Variants in ENTPD6 observed in about 807,000 individuals in gnomAD.
ENTPD6 encodes the protein ectonucleoside triphosphate diphosphohydrolase 6, also known as CD39 antigen-like 2.
In ENTPD6, 46 loss-of-function variants were observed where a neutral mutation model predicts 61.5. The ratio of observed to expected loss-of-function variants is 0.75; its 90% confidence interval spans 0.59 to 0.96. ENTPD6 has a LOEUF of 0.96. ENTPD6 is among the 40% of genes least tolerant of loss of function. The pLI is 0.00. For missense variants in ENTPD6, 612 were observed against 629.0 expected (o/e 0.97, Z 0.29); for synonymous variants, 252 against 255.5 (o/e 0.99, Z 0.13).
intron 1 of ENTPD6, among the ~76,000 whole-genome samples, chr20:25,199,400 T>C (rs1348811426): frequency 6.6e-6 from 1 of 152,172 alleles, no homozygotes; most frequent in Admixed American, 6.5e-5. Context: ...TTTATCCCCA[T>C]CCCTCACCCC....
At chr20:25,223,608 G>A (rs557554487) in intron 12 of ENTPD6, among the ~76,000 whole-genome samples, 3 of 152,186 alleles carry the variant, frequency 2.0e-5, no homozygotes, top group Non-Finnish European at 4.4e-5. Context: ...TCTCTGTGCT[G>A]ACAAAGCTAC....
intron 6 of ENTPD6, among the ~76,000 whole-genome samples, chr20:25,215,353 A>G (rs1456846717): frequency 6.6e-6 from 1 of 152,178 alleles, no homozygotes; most frequent in Admixed American, 6.5e-5. Context: ...CTTGAGAGTG[A>G]GTGTGTATGG....
At chr20:25,196,050 T>G in intron 1 of ENTPD6, 183 bp downstream of exon 1, 1 of 885,650 alleles carries the variant, frequency 1.1e-6, no homozygotes, top group Non-Finnish European at 1.5e-6. Context: ...TGGGCTCCGC[T>G]GACCGGTGGG....
In ENTPD6 at chr20:25,221,351, GC is replaced by G. The variant is rs771552148; in HGVS notation, c.1045+20del. On this transcript the variant is annotated intron_variant, in intron 11 of 14. Coordinates refer to ENST00000376652, the MANE Select transcript of ENTPD6 (RefSeq NM_001247.5). ...GAAAGCAGGTACGGGGAGGGTTGCTGCCTGTTGGTTTCTGCGGGTGAGAGTG... is the reference window on the plus strand; with the variant it reads ...GAAAGCAGGTACGGGGAGGGTTGCTGCTGTTGGTTTCTGCGGGTGAGAGTG... 1 of 1,600,326 alleles carries G rather than the reference GC, an allele frequency of 6.2e-7. No homozygotes were observed. The highest frequency in any genetic ancestry group is 1.1e-5 in the South Asian group (1 of 90,760).
At chr20:25,206,416 G>T in intron 1 of ENTPD6, 106 bp from the exon 2 acceptor site, 1 of 803,612 alleles carries the variant, frequency 1.2e-6, no homozygotes, top group Non-Finnish European at 2.1e-6. Flanking sequence ...CTTTCATTTT[G>T]GGTATATCGA....
chr20:25,206,269 G>C (rs1356925926), intron 1 of ENTPD6, among the ~76,000 whole-genome samples: 2 of 152,242 alleles, frequency 1.3e-5, no homozygotes, highest in East Asian at 3.9e-4. Context: ...CCGACTGAGA[G>C]AGTGAGGGAG....
intron 2 of ENTPD6, 59 bp from the exon 3 acceptor site, chr20:25,207,017 C>T: frequency 6.7e-7 from 1 of 1,486,258 alleles, no homozygotes. Context: ...GGACGTCTGA[C>T]TCTCCTTGGA....
chr20:25,224,262 TG>T, intron 13 of ENTPD6, 105 bp downstream of exon 13: 1 of 969,844 alleles, frequency 1.0e-6, no homozygotes, highest in African/African-American at 1.6e-5. Flanking sequence ...TCCTAAACAA[TG>T]GCCACAGGCA....
At chr20:25,197,336 CTGGAGGG>C in intron 1 of ENTPD6, 3 of 794,694 alleles carry the variant, frequency 3.8e-6, no homozygotes, top group Non-Finnish European at 4.6e-6. Flanking sequence ...CCTCCACCTG[CTGGAGGG>C]TGGCCTCAGC....
chr20:25,197,008 G>A (rs73097734), intron 1 of ENTPD6: 59,887 of 804,712 alleles, frequency 0.074, 2,370 homozygotes, highest in Non-Finnish European at 0.081. Flanking sequence ...GTTGACGGGC[G>A]GTTCACGCAC....
rs2092823197 is a variant in ENTPD6, at chr20:25,227,965, T to C, written c.*2368T>C. 6.6e-6 allele frequency among the ~76,000 whole-genome samples: 1 copy of C among 152,280 alleles called. No individual in the cohort carries two copies. The highest frequency in any genetic ancestry group is 6.5e-5 in the Admixed American group (1 of 15,292). On this transcript the variant is annotated 3_prime_UTR_variant, in exon 15 of 15. Coordinates refer to ENST00000376652, the MANE Select transcript of ENTPD6 (RefSeq NM_001247.5). ...TAATTCATCGGGTATATCTAAGTTGTATTTCCGTGAAACATCTGTTCATAT... is the reference window on the plus strand; with the variant it reads ...TAATTCATCGGGTATATCTAAGTTGCATTTCCGTGAAACATCTGTTCATAT...
intron 1 of ENTPD6, among the ~76,000 whole-genome samples, chr20:25,198,343 G>A (rs2090702415): frequency 6.6e-6 from 1 of 152,106 alleles, no homozygotes; most frequent in African/African-American, 2.4e-5. Context: ...GGGCGTGGTG[G>A]TGCATGCCTG....
intron 11 of ENTPD6, 113 bp from the exon 12 acceptor site, chr20:25,222,723 TGC>T (rs2092678743): frequency 7.0e-7 from 1 of 1,423,954 alleles, no homozygotes; most frequent in Non-Finnish European, 9.5e-7. Flanking sequence ...CTTCTGGACC[TGC>T]CTTTTCCTGA....
chr20:25,215,056 C>T, intron 6 of ENTPD6, 114 bp downstream of exon 6: 1 of 687,844 alleles, frequency 1.5e-6, no homozygotes, highest in Non-Finnish European at 2.6e-6. Flanking sequence ...GGAGCCTCCT[C>T]CCCCGTCCGA....
chr20:25,196,011 C>A, intron 1 of ENTPD6, 144 bp downstream of exon 1: 1 of 838,324 alleles, frequency 1.2e-6, no homozygotes, highest in Non-Finnish European at 1.6e-6. Context: ...GCCTTCCTGT[C>A]CAGGCTCCAT....
Position 25,225,775 on chromosome 20 carries a change from C to T in ENTPD6, c.*178C>T. On this transcript the variant is annotated 3_prime_UTR_variant, in exon 15 of 15. Coordinates refer to ENST00000376652, the MANE Select transcript of ENTPD6 (RefSeq NM_001247.5). The stretch of plus-strand genomic sequence containing the variant: ...CCCTGGCATCAGCCTCTTCCAGTCA[C>T]ATCTGGCCAGAGGGCTGTCTGGACC... The T allele has an allele frequency of 1.7e-6, 1 of 596,974 alleles. No individual in the cohort carries two copies. Among genetic ancestry groups the T allele is most frequent in the Non-Finnish European group, 3.0e-6 (1 of 338,354 alleles). The allele number at this position is 596,974 out of a possible 1,614,324, so 37.0% of individuals were successfully genotyped here.
intron 12 of ENTPD6, 185 bp from the exon 13 acceptor site, chr20:25,223,916 C>T (rs980969977): frequency 2.1e-6 from 1 of 484,420 alleles, no homozygotes; most frequent in African/African-American, 2.0e-5. Context: ...AAACCCACCC[C>T]ACACCACATC....
intron 12 of ENTPD6, among the ~76,000 whole-genome samples, chr20:25,223,258 G>T (rs1233288410): frequency 6.6e-6 from 1 of 152,178 alleles, no homozygotes; most frequent in Non-Finnish European, 1.5e-5. Flanking sequence ...CGTTGTCTCA[G>T]ACTCAGCCAC....
chr20:25,224,874 C>T (rs1001402546), intron 13 of ENTPD6: 2 of 336,218 alleles, frequency 5.9e-6, no homozygotes, highest in Non-Finnish European at 1.1e-5. Context: ...TGTTTTCTTT[C>T]CCCAGAAAGC....
Sources: allele counts gnomAD v4.1 joint callset (sites outside exome capture counted in the v4.1 genomes callset), GRCh38; gene constraint gnomAD v4.1.1; transcripts MANE v1.5; gene names NCBI Gene and HGNC (gene_info 2026-07-23, HGNC 2026-07-21).